The following RBFOX1 variants were observed in gnomAD, a reference collection of about 807,000 sequenced individuals.
RBFOX1 encodes the protein RNA binding fox-1 homolog 1.
In RBFOX1, 8 loss-of-function variants were observed where a neutral mutation model predicts 57.7. The ratio of observed to expected loss-of-function variants is 0.14; its 90% CI spans 0.08 to 0.25. The LOEUF (loss-of-function observed/expected upper bound fraction) is 0.25, where lower values mean the gene tolerates loss of function less well. Among genes scored for constraint, RBFOX1 ranks in the 10% least tolerant of loss-of-function variants. RBFOX1 has a pLI of 1.00. For synonymous variants in RBFOX1, 326 were observed against 222.4 expected (o/e 1.47, Z -4.15); for missense variants, 611 against 548.5 (o/e 1.11, Z -1.14).
chr16:6,856,662 C>A (rs538036914), intron 3 of RBFOX1, among the ~76,000 whole-genome samples: 2 of 152,050 alleles, frequency 1.3e-5, no homozygotes, highest in Non-Finnish European at 2.9e-5. Flanking sequence ...TTTATATATT[C>A]CTGTATTCTT....
intron 5 of RBFOX1, among the ~76,000 whole-genome samples, chr16:7,546,260 G>A (rs1041471219): frequency 6.6e-6 from 1 of 152,002 alleles, no homozygotes; most frequent in Non-Finnish European, 1.5e-5. Flanking sequence ...CCGGAGGGTG[G>A]AGGTTGCAGT....
At chr16:7,473,692 G>A (rs12051148) in intron 4 of RBFOX1, among the ~76,000 whole-genome samples, 140,693 of 151,910 alleles carry the variant, frequency 0.93, 65,308 homozygotes, top group East Asian at 1. Flanking sequence ...GAGAGAGAAT[G>A]TGGTGGAATC....
At chr16:6,872,431 G>T (rs1006067682) in intron 3 of RBFOX1, among the ~76,000 whole-genome samples, 3 of 151,814 alleles carry the variant, frequency 2.0e-5, no homozygotes, top group Non-Finnish European at 2.9e-5. Context: ...AACACTTTAA[G>T]AACTATTTCT....
chr16:7,001,464 A>T (rs960519746), intron 3 of RBFOX1, among the ~76,000 whole-genome samples: 2 of 151,896 alleles, frequency 1.3e-5, no homozygotes, highest in Admixed American at 1.3e-4. Flanking sequence ...GTATACGTGT[A>T]TGTATATTTT....
intron 1 of RBFOX1, among the ~76,000 whole-genome samples, chr16:6,236,141 C>G (rs1440602314): frequency 6.6e-6 from 1 of 152,188 alleles, no homozygotes; most frequent in Non-Finnish European, 1.5e-5. Context: ...ATATTCCATA[C>G]TTTATTTTTC....
chr16:5,750,081 A>G (rs2053136635), intron 3 of RBFOX1, among the ~76,000 whole-genome samples: 1 of 152,142 alleles, frequency 6.6e-6, no homozygotes, highest in Non-Finnish European at 1.5e-5. Flanking sequence ...TTTTCCTTCT[A>G]ACAGTCAAGA....
At chr16:6,835,307 G>T (rs548084658) in intron 3 of RBFOX1, among the ~76,000 whole-genome samples, 5 of 152,220 alleles carry the variant, frequency 3.3e-5, no homozygotes, top group Admixed American at 6.5e-5. Flanking sequence ...GTGAGTTTCA[G>T]TGTCCTAAGC....
intron 3 of RBFOX1, among the ~76,000 whole-genome samples, chr16:5,734,298 C>A (rs1311772772): frequency 6.6e-6 from 1 of 152,048 alleles, no homozygotes; most frequent in Admixed American, 6.5e-5. Flanking sequence ...CACGTCTACA[C>A]AAAATAGGAA....
intron 4 of RBFOX1, among the ~76,000 whole-genome samples, chr16:7,358,544 C>T (rs1254930020): frequency 2.0e-5 from 3 of 152,094 alleles, no homozygotes; most frequent in East Asian, 3.9e-4. Flanking sequence ...CCTCAGCCTC[C>T]CTAGCAGCTG....
intron 4 of RBFOX1, among the ~76,000 whole-genome samples, chr16:7,112,267 A>G (rs545469525): frequency 3.3e-5 from 5 of 152,110 alleles, no homozygotes; most frequent in Admixed American, 1.3e-4. Flanking sequence ...CAGTGGTGCA[A>G]TCTCGGCTCA....
chr16:6,591,441 G>A (rs1276497942), intron 2 of RBFOX1, among the ~76,000 whole-genome samples: 1 of 152,088 alleles, frequency 6.6e-6, no homozygotes, highest in Non-Finnish European at 1.5e-5. Context: ...GTGTCGTAGT[G>A]AGACTCTGTC....
At chr16:7,043,231 G>A (rs1170546735) in intron 3 of RBFOX1, among the ~76,000 whole-genome samples, 1 of 152,028 alleles carries the variant, frequency 6.6e-6, no homozygotes, top group East Asian at 1.9e-4. Context: ...AGGCTGGGTT[G>A]GTGCATCTCC....
At chr16:6,776,810 C>G (rs369285863) in intron 3 of RBFOX1, among the ~76,000 whole-genome samples, 69 of 152,310 alleles carry the variant, frequency 4.5e-4, no homozygotes, top group African/African-American at 1.5e-3. Flanking sequence ...CAAGTTACCA[C>G]CTGGGAACAG....
intron 4 of RBFOX1, among the ~76,000 whole-genome samples, chr16:7,123,732 A>G (rs1384146536): frequency 1.3e-5 from 2 of 152,286 alleles, no homozygotes; most frequent in Middle Eastern, 3.4e-3. Flanking sequence ...ACTTGGACAT[A>G]TATATTTATA....
At chr16:5,468,744 A>C (rs1372441918) in intron 2 of RBFOX1, among the ~76,000 whole-genome samples, 1 of 152,218 alleles carries the variant, frequency 6.6e-6, no homozygotes. Flanking sequence ...AACTTGGATG[A>C]ATCTTGAACA....
intron 3 of RBFOX1, among the ~76,000 whole-genome samples, chr16:6,750,857 G>A (rs2074798109): frequency 6.6e-6 from 1 of 152,174 alleles, no homozygotes; most frequent in African/African-American, 2.4e-5. Context: ...ATGAAACCAG[G>A]AAGCTGAAAT....
At chr16:6,784,196 A>G (rs1451765699) in intron 3 of RBFOX1, among the ~76,000 whole-genome samples, 1 of 152,000 alleles carries the variant, frequency 6.6e-6, no homozygotes, top group African/African-American at 2.4e-5. Context: ...TTTTTTGAAT[A>G]AACTTTCTAT....
intron 4 of RBFOX1, among the ~76,000 whole-genome samples, chr16:7,272,570 G>C (rs903486113): frequency 2.0e-5 from 3 of 152,180 alleles, no homozygotes; most frequent in Non-Finnish European, 4.4e-5. Flanking sequence ...ACTATCACTT[G>C]CCAGGTTGTA....
At chr16:6,310,118 C>T (rs2080063491) in intron 1 of RBFOX1, among the ~76,000 whole-genome samples, 1 of 152,168 alleles carries the variant, frequency 6.6e-6, no homozygotes, top group African/African-American at 2.4e-5. Flanking sequence ...GAACTTCTGA[C>T]CTCGTGATCC....
Sources: gnomAD v4.1 joint callset for allele counts (sites outside exome capture counted in the v4.1 genomes callset) on GRCh38, gnomAD v4.1.1 for gene constraint, MANE v1.5 for transcripts, NCBI Gene and HGNC (gene_info 2026-07-23, HGNC 2026-07-21) for gene names.